BCAS3: variants seen among roughly 807,000 people sequenced by gnomAD.
BCAS3 encodes BCAS4/BCAS3 fusion.
BCAS3 carries 53 observed loss-of-function variants against 116.1 expected under a neutral mutation model. The observed-to-expected ratio is 0.46, with a 90% confidence interval of 0.37 to 0.57. The LOEUF is 0.57. Ranked by LOEUF, BCAS3 falls within the 20% of genes least tolerant of loss-of-function variation. BCAS3 has a pLI of 0.00. For synonymous variants in BCAS3, 391 were observed against 408.2 expected, an observed-to-expected ratio of 0.96 and a Z score of 0.51; for missense variants, 917 against 1,165.4, an observed-to-expected ratio of 0.79 and a Z score of 3.10.
At chr17:60,963,666 C>T (rs749757143) in intron 14 of BCAS3, among the ~76,000 whole-genome samples, 52 of 151,816 alleles carry the variant, frequency 3.4e-4, no homozygotes, top group Non-Finnish European at 5.9e-4. Flanking sequence ...TGCCATTCTC[C>T]TGCCTCAGCC....
chr17:61,052,715 C>CTTTTTTTTTT (rs60772345), intron 19 of BCAS3, among the ~76,000 whole-genome samples: 4 of 124,946 alleles, frequency 3.2e-5, no homozygotes, highest in Non-Finnish European at 5.2e-5. Flanking sequence ...TTCTTTCTTT[C>CTTTTTTTTTT]TTTTTTTTTT....
chr17:61,293,851 T>C (rs1202584079), intron 22 of BCAS3, among the ~76,000 whole-genome samples: 1 of 152,138 alleles, frequency 6.6e-6, no homozygotes, highest in Admixed American at 6.5e-5. Context: ...ACCTCTGCCT[T>C]CCAGGTTCAA....
In BCAS3 at chr17:61,248,898, CCTT is replaced by C. The variant is rs1461779155; in HGVS notation, c.2426-119422_2426-119420del. On this transcript the variant is annotated intron_variant, in intron 22 of 23. Transcript: ENST00000407086. This position sits in a 1 kb window ranked among gnomAD's most constrained non-coding sequence, Gnocchi z 4.3. ...ATACTGTCAAATACTTATAAAACTT[CCTT>C]CTTCTTTGCTCTTAAAGATAAGACG... Among the ~76,000 whole-genome samples, 8 of 152,148 alleles carry C rather than the reference CCTT, an allele frequency of 5.3e-5. No homozygotes were observed. The highest frequency in any genetic ancestry group is 1.2e-4 in the African/African-American group (5 of 41,440).
chr17:61,079,619 G>A (rs1413352509), intron 21 of BCAS3, among the ~76,000 whole-genome samples: 7 of 151,468 alleles, frequency 4.6e-5, no homozygotes, highest in Non-Finnish European at 8.8e-5. Flanking sequence ...TTTTTGAGAC[G>A]GAGTCTTGCT....
rs368207698 is a variant in BCAS3, at chr17:61,380,541, C to A, written c.2594-11436C>A. 325 of 1,598,282 alleles carry A rather than the reference C, an allele frequency of 2.0e-4. 5 individuals carry two copies. In the South Asian group the frequency reaches 3.4e-3, roughly 17 times the overall value. The stretch of plus-strand genomic sequence containing the variant: ...TGACGTAGCAGTAAAAACCTTCCCC[C>A]CTGAGAGACACGTGGCAGTGAAGTG... On this transcript the variant is annotated intron_variant, in intron 23 of 23. Coordinates refer to ENST00000407086, the MANE Select transcript of BCAS3 (RefSeq NM_017679.5). This position sits in a 1 kb window ranked among gnomAD's most constrained non-coding sequence, Gnocchi z 4.2.
chr17:61,271,445 G>GTTTTTTTTTT (rs1568719526), intron 22 of BCAS3, among the ~76,000 whole-genome samples: 1 of 1,332 alleles, frequency 7.5e-4, no homozygotes, highest in Non-Finnish European at 3.0e-3. Context: ...TTTGTCTTAG[G>GTTTTTTTTTT]TGGAGTCTCG....
At position 61,358,589 on chromosome 17, in the gene BCAS3, C is replaced by T. The variant is rs924792279; in HGVS notation, c.2426-9738C>T. ...CGATCTTGGCAGACTGCAACTTCCACCTCCTGGGTTCAAGTGATTCTCCTG... is the reference window on the plus strand; with the variant it reads ...CGATCTTGGCAGACTGCAACTTCCATCTCCTGGGTTCAAGTGATTCTCCTG... On this transcript the variant is annotated intron_variant, in intron 22 of 23. Coordinates refer to ENST00000407086, the MANE Select transcript of BCAS3 (RefSeq NM_017679.5). 7.9e-5 allele frequency among the ~76,000 whole-genome samples: 12 copies of T among 151,336 alleles called. 1 individual carries two copies. The highest frequency in any genetic ancestry group is 7.2e-4 in the Admixed American group (11 of 15,184).
At chr17:60,684,161 C>T (rs1469379983) in intron 3 of BCAS3, 125 bp downstream of exon 3, 7 of 812,148 alleles carry the variant, frequency 8.6e-6, no homozygotes, top group Non-Finnish European at 1.4e-5. Flanking sequence ...GCATCCTGAG[C>T]ATTCGTAGGG....
chr17:61,270,839 T>C (rs2050176833), intron 22 of BCAS3, among the ~76,000 whole-genome samples: 1 of 151,900 alleles, frequency 6.6e-6, no homozygotes, highest in African/African-American at 2.4e-5. Context: ...GCCTCCCAAG[T>C]AGCTGGGATT....
intron 9 of BCAS3, among the ~76,000 whole-genome samples, chr17:60,875,283 A>G (rs1023776379): frequency 6.6e-6 from 1 of 152,120 alleles, no homozygotes; most frequent in Non-Finnish European, 1.5e-5. Flanking sequence ...TTGTAAATTG[A>G]TAATATTTGC....
At chr17:61,301,249 C>G (rs993245906) in intron 22 of BCAS3, among the ~76,000 whole-genome samples, 3 of 152,224 alleles carry the variant, frequency 2.0e-5, no homozygotes, top group African/African-American at 7.2e-5. Flanking sequence ...TCATATGGCC[C>G]TCAGAGTCTA....
chr17:61,354,410 C>T lies in BCAS3; in HGVS notation c.2426-13917C>T, dbSNP rs934215146. On this transcript the variant is annotated intron_variant, in intron 22 of 23. Transcript: ENST00000407086. This position sits in a 1 kb window ranked among gnomAD's most constrained non-coding sequence, Gnocchi z 4.5. The stretch of plus-strand genomic sequence containing the variant: ...TGGGGAACATCCAGGCCTTCACACT[C>T]ACGCTCAGCCCATCACCCCTCTGTG... 14 of 152,244 alleles carry T rather than the reference C, an allele frequency of 9.2e-5. No individual in the cohort carries two copies. Among genetic ancestry groups the T allele is most frequent in the African/African-American group, 3.4e-4 (14 of 41,458 alleles). The allele number at this position is 152,244 out of a possible 1,614,324, so 9.4% of individuals were successfully genotyped here.
In BCAS3 at chr17:61,034,285, T is replaced by C. The variant is rs1020080870; in HGVS notation, c.1638-381T>C. On this transcript the variant is annotated intron_variant, in intron 16 of 23. Coordinates refer to ENST00000407086, the MANE Select transcript of BCAS3 (RefSeq NM_017679.5). The surrounding 1 kb of genome is among the most constrained non-coding windows in gnomAD (Gnocchi z 5.0). ...CACAATTACTTTTGCATCAACCTAA[T>C]ATATATAGAAATGAAGTGATAAACC... Among the ~76,000 whole-genome samples the C allele has an allele frequency of 6.6e-6, 1 of 152,240 alleles. No homozygotes were observed. Among genetic ancestry groups the C allele is most frequent in the Non-Finnish European group, 1.5e-5 (1 of 68,030 alleles).
In BCAS3 at chr17:61,017,496, G is replaced by T. The variant is rs1600501197; in HGVS notation, c.1637+1595G>T. Among the ~76,000 whole-genome samples the T allele has an allele frequency of 6.6e-6, 1 of 152,026 alleles. No homozygotes were observed. Among genetic ancestry groups the T allele is most frequent in the Admixed American group, 6.6e-5 (1 of 15,260 alleles). ...AATTTAATTTTATATTCAGAGTGAG[G>T]GAAATTTAAGAAGGTTCAAAAGGCT... On this transcript the variant is annotated intron_variant, in intron 16 of 23. Transcript: ENST00000407086. This position sits in a 1 kb window ranked among gnomAD's most constrained non-coding sequence, Gnocchi z 4.7.
At position 61,171,442 on chromosome 17, in the gene BCAS3, A is replaced by C. The variant is rs2078834851; in HGVS notation, c.2425+86878A>C. ...CAAGATGGTAGATTTAAACTTGGCC[A>C]TATCAAAAGTCATATTGAATGTAAA... is the stretch of plus-strand genomic sequence containing the variant. On this transcript the variant is annotated intron_variant, in intron 22 of 23. Transcript: ENST00000407086. The surrounding 1 kb of genome is among the most constrained non-coding windows in gnomAD (Gnocchi z 4.1). Among the ~76,000 whole-genome samples, 1 of 152,218 alleles carries C rather than the reference A, an allele frequency of 6.6e-6. No homozygotes were observed. Among genetic ancestry groups the C allele is most frequent in the African/African-American group, 2.4e-5 (1 of 41,448 alleles).
intron 20 of BCAS3, among the ~76,000 whole-genome samples, 173 bp from the exon 21 acceptor site, chr17:61,078,160 G>C (rs747031295): frequency 6.6e-6 from 1 of 152,182 alleles, no homozygotes; most frequent in Non-Finnish European, 1.5e-5. Context: ...TATTTTGAAT[G>C]TCTACATCAG....
intron 7 of BCAS3, among the ~76,000 whole-genome samples, chr17:60,854,872 G>A (rs1477220066): frequency 6.6e-6 from 1 of 151,414 alleles, no homozygotes; most frequent in African/African-American, 2.4e-5. Flanking sequence ...CCCTTCAGTA[G>A]ATGAATGGAT....
intron 5 of BCAS3, among the ~76,000 whole-genome samples, chr17:60,736,001 G>A (rs927348146): frequency 1.4e-5 from 2 of 143,290 alleles, no homozygotes; most frequent in East Asian, 1.9e-4. Context: ...TTTGAAGGTT[G>A]AACCAGCTTT....
chr17:61,381,157 C>T lies in BCAS3; in HGVS notation c.2594-10820C>T, dbSNP rs182746845. Among the ~76,000 whole-genome samples, 166 of 152,322 alleles carry T rather than the reference C, an allele frequency of 1.1e-3. No individual in the cohort carries two copies. Among genetic ancestry groups the T allele is most frequent in the African/African-American group, 3.5e-3 (147 of 41,568 alleles). On this transcript the variant is annotated intron_variant, in intron 23 of 23. Coordinates refer to ENST00000407086, the MANE Select transcript of BCAS3 (RefSeq NM_017679.5). This position sits in a 1 kb window ranked among gnomAD's most constrained non-coding sequence, Gnocchi z 6.0. Reference sequence around the variant, plus strand: ...CATTTGGTTAACCCCTTCCTACCCACGGGAGGACTGACAGAACAAATGCAC... The same window carrying T: ...CATTTGGTTAACCCCTTCCTACCCATGGGAGGACTGACAGAACAAATGCAC...
Sources: gnomAD v4.1 joint callset for allele counts (sites outside exome capture counted in the v4.1 genomes callset) on GRCh38, gnomAD v4.1.1 for gene constraint, Gnocchi (gnomAD v3.1) non-coding constraint, MANE v1.5 for transcripts, NCBI Gene and HGNC (gene_info 2026-07-23, HGNC 2026-07-21) for gene names.